VPS13C: variants seen among roughly 807,000 people sequenced by gnomAD.
VPS13C encodes vacuolar protein sorting 13 homolog C.
In VPS13C, 358 loss-of-function variants were observed where a neutral mutation model predicts 456.8. The observed-to-expected ratio is 0.78, with a 90% CI of 0.72 to 0.86. The LOEUF (loss-of-function observed/expected upper bound fraction) is 0.86. Among genes scored for constraint, VPS13C ranks in the 40% least tolerant of loss-of-function variants. The probability of loss-of-function intolerance (pLI) is 0.00; values close to 1 mark genes in which losing one functional copy is unlikely to be tolerated. For synonymous variants in VPS13C, 1,578 were observed against 1,486.7 expected, an observed-to-expected ratio of 1.06 and a Z score of -1.41; for missense variants, 4,818 against 4,385.4, an observed-to-expected ratio of 1.10 and a Z score of -2.79.
At chr15:62,037,369 A>T (rs2048083361) in intron 3 of VPS13C, among the ~76,000 whole-genome samples, 2 of 90,132 alleles carry the variant, frequency 2.2e-5, no homozygotes, top group Non-Finnish European at 4.4e-5. Flanking sequence ...TGTATATAAT[A>T]TATTATATAT....
rs1275256214 is a variant in VPS13C, at chr15:62,037,304, A to G, written c.188-2252T>C. On this transcript the variant is annotated intron_variant, in intron 3 of 84. Transcript: ENST00000644861. Reference sequence around the variant, plus strand: ...TTATATATATTATATTATATAATATATATATAAATATATTATATATTATAT... The same window carrying G: ...TTATATATATTATATTATATAATATGTATATAAATATATTATATATTATAT... Among the ~76,000 whole-genome samples the G allele has an allele frequency of 1.3e-4, 10 of 78,936 alleles. 1 individual carries two copies. In the South Asian group the frequency reaches 2.8e-3, roughly 22 times the overall value. 51.8% of individuals were successfully genotyped at this position (78,936 alleles called of 152,430 possible). A position where few individuals can be genotyped will look rare whatever the true frequency, so the allele number is the denominator to read the frequency against.
intron 81 of VPS13C, chr15:61,865,949 A>G: frequency 3.0e-6 from 3 of 983,636 alleles, no homozygotes; most frequent in Non-Finnish European, 2.4e-6. Context: ...AAGATCCCCA[A>G]ATAAATTATT....
Position 61,888,480 on chromosome 15 carries a change from G to C in VPS13C, c.9341+1685C>G, listed in dbSNP as rs536753197. 1.1e-4 allele frequency among the ~76,000 whole-genome samples: 16 copies of C among 152,114 alleles called. 1 individual carries two copies. In the South Asian group the frequency reaches 3.3e-3, roughly 32 times the overall value. On this transcript the variant is annotated intron_variant, in intron 67 of 84. Coordinates refer to ENST00000644861, the MANE Select transcript of VPS13C (RefSeq NM_020821.3). Reference sequence around the variant, plus strand: ...AATAGTTGAATGGATAAACAAACTGGAGTAATAGTCCATTCATACAATGGA... The same window carrying C: ...AATAGTTGAATGGATAAACAAACTGCAGTAATAGTCCATTCATACAATGGA...
intron 52 of VPS13C, among the ~76,000 whole-genome samples, chr15:61,926,862 A>C (rs1286466469): frequency 6.6e-6 from 1 of 152,218 alleles, no homozygotes; most frequent in Non-Finnish European, 1.5e-5. Flanking sequence ...TCAACAGAAG[A>C]TGGTATAATG....
chr15:61,923,737 G>A (rs952885480), intron 53 of VPS13C, among the ~76,000 whole-genome samples: 1 of 146,992 alleles, frequency 6.8e-6, no homozygotes, highest in Non-Finnish European at 1.5e-5. Context: ...AGTATGTATT[G>A]TTTTCCTAAC....
chr15:61,954,903 G>T (rs1206068508), intron 37 of VPS13C, among the ~76,000 whole-genome samples: 1 of 152,128 alleles, frequency 6.6e-6, no homozygotes, highest in East Asian at 1.9e-4. Context: ...TCCTCACACG[G>T]TGGAGACATT....
At position 62,028,433 on chromosome 15, in the gene VPS13C, T is replaced by C. The variant is rs112160902; in HGVS notation, c.386-13A>G. 5 of 1,612,538 alleles carry C rather than the reference T, an allele frequency of 3.1e-6. No homozygotes were observed. Among genetic ancestry groups the C allele is most frequent in the African/African-American group, 2.7e-5 (2 of 74,806 alleles). ...CCTGAATGTGTGCCTGCATCCCACA[T>C]GGCAGCAATAACCAAAATGCAAAGC... On this transcript the variant is annotated splice_polypyrimidine_tract_variant and intron_variant, in intron 5 of 84. Transcript: ENST00000644861.
chr15:61,987,223 A>G (rs1415252827), intron 18 of VPS13C, among the ~76,000 whole-genome samples: 2 of 152,132 alleles, frequency 1.3e-5, no homozygotes, highest in Non-Finnish European at 2.9e-5. Context: ...AAAAAAAAAA[A>G]AAAGAAAACC....
chr15:62,037,278 A>ATATAT (rs2048056916), intron 3 of VPS13C, among the ~76,000 whole-genome samples: 1 of 71,392 alleles, frequency 1.4e-5, no homozygotes, highest in Non-Finnish European at 2.5e-5. Flanking sequence ...TATATAATAT[A>ATATAT]TTATATATAT....
chr15:61,947,420 A>C (rs1174057999), intron 42 of VPS13C, 111 bp from the exon 43 acceptor site: 9 of 685,708 alleles, frequency 1.3e-5, no homozygotes, highest in Middle Eastern at 2.7e-4. Context: ...GAGGAACCAA[A>C]ATGCCCTCCA....
At position 61,947,352 on chromosome 15, in the gene VPS13C, T is replaced by C. The variant is rs576509741; in HGVS notation, c.4760-43A>G. 1.1e-5 allele frequency: 16 copies of C among 1,417,140 alleles called. No homozygotes were observed. The South Asian group carries it at 1.2e-4, about 11-fold the overall frequency. 87.8% of individuals were successfully genotyped at this position (1,417,140 alleles called of 1,614,324 possible). The stretch of plus-strand genomic sequence containing the variant: ...CCTTCTGATGAGCAAAGGGAAAAGA[T>C]AATACAACACATACAATAACCTCAA... On this transcript the variant is annotated intron_variant, in intron 42 of 84. Transcript: ENST00000644861.
intron 36 of VPS13C, among the ~76,000 whole-genome samples, 188 bp downstream of exon 36, chr15:61,959,260 A>G (rs572620657): frequency 6.6e-6 from 1 of 152,288 alleles, no homozygotes; most frequent in East Asian, 1.9e-4. Context: ...AATAAATTTT[A>G]AAGTTAAGAA....
rs762800065 is a variant in VPS13C at position 61,878,647 on chromosome 15, T to A, written c.10102A>T (p.Ile3368Leu). 1 of 1,611,660 alleles carries A rather than the reference T, an allele frequency of 6.2e-7. No individual in the cohort carries two copies. Among genetic ancestry groups the A allele is most frequent in the Middle Eastern group, 1.7e-4 (1 of 6,048 alleles). Residue 3368 changes from isoleucine to leucine, a missense_variant, in exon 74 of 85, where the codon ATA becomes TTA. Ile to Leu is a conservative substitution (Grantham distance 5, BLOSUM62 2). Around this residue, in one of 3 missense-constraint regions of VPS13C, gnomAD observed 4,552 missense variants for 4,130.6 expected, o/e 1.10. Transcript: ENST00000644861. ...TCCACATCAGTCAGAGTAGCACCTA[T>A]GCTTTTCAACAGCAAGTTGACAGAA... Reference protein sequence around the residue: ...VHSVNLLLKSIGATLTDVDDL... With the variant: ...VHSVNLLLKSLGATLTDVDDL...
intron 62 of VPS13C, 46 bp from the exon 63 acceptor site, chr15:61,912,050 TG>T: frequency 6.7e-7 from 1 of 1,500,594 alleles, no homozygotes; most frequent in Non-Finnish European, 8.9e-7. Flanking sequence ...TCAATGTCTT[TG>T]AAATATATAC....
At position 61,961,552 on chromosome 15, in the gene VPS13C, TATA is replaced by T. The variant is rs773088687; in HGVS notation, c.3908+34_3908+36del. On this transcript the variant is annotated intron_variant, in intron 35 of 84. Transcript: ENST00000644861. ...CATAAAATTTCATGGAAATCATGAA[TATA>T]ATATTTAAATCCATAATTATTGAAA... The T allele has an allele frequency of 3.6e-4, 465 of 1,293,314 alleles. 1 individual carries two copies. The highest frequency in any genetic ancestry group is 4.6e-4 in the Non-Finnish European group (442 of 952,664). 80.1% of individuals were successfully genotyped at this position (1,293,314 alleles called of 1,614,324 possible). A position where few individuals can be genotyped will look rare whatever the true frequency, so the allele number is the denominator to read the frequency against.
chr15:61,863,589 C>T (rs957515498), intron 81 of VPS13C, 61 bp from the exon 82 acceptor site: 2 of 1,074,204 alleles, frequency 1.9e-6, no homozygotes, highest in African/African-American at 3.2e-5. Context: ...ATTTACAATA[C>T]TGCATATTAG....
At chr15:61,866,152 A>G in intron 81 of VPS13C, 1 of 984,996 alleles carries the variant, frequency 1.0e-6, no homozygotes, top group Non-Finnish European at 1.2e-6. Context: ...AAAGAATGAA[A>G]TAGCCTAAAT....
Position 61,969,300 on chromosome 15 carries a change from T to G in VPS13C, c.2910A>C (p.Glu970Asp). Reference sequence around the variant, plus strand: ...TATTTCTATTTTTATGGGTATTACCTTCAATTTCATGATAATCCAAGCTGA... The same window carrying G: ...TATTTCTATTTTTATGGGTATTACCGTCAATTTCATGATAATCCAAGCTGA... ...KKISLDYHEI[E>D]GSKRKPLHLI... Residue 970 changes from glutamate (E) to aspartate (D), a missense_variant and splice_region_variant, in exon 28 of 85, where the codon GAA (glutamate) becomes GAC (aspartate). Glu to Asp is a conservative substitution (Grantham distance 45). Around this residue, in one of 3 missense-constraint regions of VPS13C, gnomAD observed 4,552 missense variants for 4,130.6 expected, o/e 1.10. Transcript: ENST00000644861. 1 of 1,589,838 alleles carries G rather than the reference T, an allele frequency of 6.3e-7. No individual in the cohort carries two copies. The highest frequency in any genetic ancestry group is 1.2e-5 in the South Asian group (1 of 86,124).
chr15:62,031,262 C>G (rs1044027771), intron 5 of VPS13C, among the ~76,000 whole-genome samples: 8 of 151,980 alleles, frequency 5.3e-5, no homozygotes, highest in Non-Finnish European at 8.8e-5. Context: ...TTTTTATCAT[C>G]TGCTACTTAG....
Sources: gnomAD v4.1 joint callset for allele counts (sites outside exome capture counted in the v4.1 genomes callset) on GRCh38, gnomAD v4.1.1 for gene constraint, gnomAD v4.1.1 regional missense constraint, MANE v1.5 for transcripts, NCBI Gene and HGNC (gene_info 2026-07-23, HGNC 2026-07-21) for gene names.